Variants in IRAK2 observed in about 807,000 individuals in gnomAD.
IRAK2 encodes interleukin 1 receptor associated kinase 2.
IRAK2 carries 57 observed loss-of-function variants against 72.0 expected under a neutral mutation model. The ratio of observed to expected loss-of-function variants is 0.79; its 90% CI spans 0.64 to 0.99. IRAK2 has a LOEUF of 0.99. Ranked by LOEUF, IRAK2 falls within the 50% of genes least tolerant of loss-of-function variation. The probability of loss-of-function intolerance (pLI) is 0.00; values close to 1 mark genes in which losing one functional copy is unlikely to be tolerated. For synonymous variants in IRAK2, 293 were observed against 312.7 expected (o/e 0.94, Z 0.67); for missense variants, 790 against 794.4 (o/e 0.99, Z 0.07).
At chr3:10,240,147 C>CAAAA (rs34730585) in intron 12 of IRAK2, among the ~76,000 whole-genome samples, 1 of 132,720 alleles carries the variant, frequency 7.5e-6, no homozygotes, top group African/African-American at 2.9e-5. Context: ...GACTCCGTCT[C>CAAAA]AAAAAAAAAA....
intron 2 of IRAK2, among the ~76,000 whole-genome samples, chr3:10,185,558 C>CAAAAA (rs770606601): frequency 5.7e-5 from 4 of 70,086 alleles, no homozygotes; most frequent in African/African-American, 1.9e-4. Context: ...AACTCCGTCT[C>CAAAAA]AAAAAAAAAA....
chr3:10,238,925 G>T lies in IRAK2; in HGVS notation c.1651G>T (p.Ala551Ser). 4 of 1,614,074 alleles carry T rather than the reference G, an allele frequency of 2.5e-6. No individual in the cohort carries two copies. Among genetic ancestry groups the T allele is most frequent in the Non-Finnish European group, 3.4e-6 (4 of 1,179,996 alleles). Reference protein sequence around the residue: ...SSMSVAPWAGAATPLLPTENG... With the variant: ...SSMSVAPWAGSATPLLPTENG... ...CATGAGTGTGGCACCCTGGGCAGGG[G>T]CTGCCACCCCACTTCTCCCCACAGA... Residue 551 changes from alanine (A) to serine (S), a missense_variant, in exon 12 of 13, where the codon GCT becomes TCT. Transcript: ENST00000256458.
At chr3:10,209,956 G>A (rs966743112) in intron 4 of IRAK2, among the ~76,000 whole-genome samples, 1 of 152,158 alleles carries the variant, frequency 6.6e-6, no homozygotes, top group Non-Finnish European at 1.5e-5. Context: ...GTCTCGCTCT[G>A]CCACCCAGGC....
At chr3:10,199,884 CT>C (rs145377518) in intron 2 of IRAK2, among the ~76,000 whole-genome samples, 1,363 of 124,092 alleles carry the variant, frequency 0.011, 7 homozygotes, top group African/African-American at 0.022. Context: ...AGCCACTGCT[CT>C]TTTTTTTTTT....
At chr3:10,221,902 G>T (rs1028304353) in intron 8 of IRAK2, among the ~76,000 whole-genome samples, 1 of 151,892 alleles carries the variant, frequency 6.6e-6, no homozygotes, top group Non-Finnish European at 1.5e-5. Flanking sequence ...GCTCCTGGGG[G>T]TTAGATGACT....
intron 3 of IRAK2, among the ~76,000 whole-genome samples, chr3:10,204,109 C>A (rs1337070444): frequency 3.3e-5 from 5 of 152,246 alleles, no homozygotes; most frequent in African/African-American, 1.2e-4. Flanking sequence ...CATAGTTTCA[C>A]CAGCCTTGGT....
rs780730043 is a variant in IRAK2 at position 10,219,687 on chromosome 3, C to T, written c.911C>T (p.Ser304Leu). The part of the protein sequence containing the change: ...LQDRLQGQGG[S>L]DPLPWPQRVS... ...TGCTTTTCTTTCTCTTAGGGTGGCTCGGACCCCCTCCCCTGGCCCCAGCGT... is the reference window on the plus strand; with the variant it reads ...TGCTTTTCTTTCTCTTAGGGTGGCTTGGACCCCCTCCCCTGGCCCCAGCGT... The change falls in exon 8 of 13, where the codon TCG becomes TTG. Residue 304 changes from serine to leucine, a missense_variant. Ser to Leu is a moderately radical substitution (Grantham distance 145). Coordinates refer to ENST00000256458, the MANE Select transcript of IRAK2 (RefSeq NM_001570.4). The T allele has an allele frequency of 3.3e-5, 53 of 1,612,858 alleles. No homozygotes were observed. The East Asian group carries it at 8.0e-4, about 24-fold the overall frequency.
At chr3:10,216,108 G>A (rs1327867269) in intron 6 of IRAK2, among the ~76,000 whole-genome samples, 1 of 152,216 alleles carries the variant, frequency 6.6e-6, no homozygotes, top group Non-Finnish European at 1.5e-5. Context: ...CTGAATCAGA[G>A]CCTGACCCAA....
At chr3:10,214,378 A>G (rs1354679523) in intron 6 of IRAK2, among the ~76,000 whole-genome samples, 1 of 144,918 alleles carries the variant, frequency 6.9e-6, no homozygotes, top group African/African-American at 2.6e-5. Flanking sequence ...GTGTGCGCCC[A>G]GCTCATTTTT....
At chr3:10,175,675 G>C (rs1233107867) in intron 1 of IRAK2, among the ~76,000 whole-genome samples, 1 of 151,956 alleles carries the variant, frequency 6.6e-6, no homozygotes, top group Non-Finnish European at 1.5e-5. Context: ...GCATCACAAG[G>C]TCAGGAGATT....
At chr3:10,210,068 T>C (rs1316721315) in intron 4 of IRAK2, among the ~76,000 whole-genome samples, 1 of 151,978 alleles carries the variant, frequency 6.6e-6, no homozygotes, top group Non-Finnish European at 1.5e-5. Flanking sequence ...TACAGGTGCA[T>C]GTCACCATGC....
chr3:10,198,618 A>G (rs1460269300), intron 2 of IRAK2, among the ~76,000 whole-genome samples: 1 of 152,262 alleles, frequency 6.6e-6, no homozygotes, highest in Non-Finnish European at 1.5e-5. Flanking sequence ...TGTTGTGAAA[A>G]TTAAATAAAT....
intron 2 of IRAK2, among the ~76,000 whole-genome samples, chr3:10,184,301 G>A (rs189129215): frequency 6.2e-4 from 95 of 152,296 alleles, no homozygotes; most frequent in African/African-American, 2.1e-3. Context: ...TAGTACTCTA[G>A]AAAAGGAGGC....
At chr3:10,231,091 G>A (rs4684672) in intron 10 of IRAK2, among the ~76,000 whole-genome samples, 55,130 of 152,024 alleles carry the variant, frequency 0.36, 10,814 homozygotes, top group Admixed American at 0.45. Flanking sequence ...ATGGGGTCTT[G>A]TTACGTTGCC....
intron 3 of IRAK2, among the ~76,000 whole-genome samples, chr3:10,204,534 A>T (rs146470248): frequency 1.3e-5 from 2 of 152,272 alleles, no homozygotes; most frequent in Admixed American, 6.5e-5. Flanking sequence ...GGATCACCTC[A>T]GGTCAGGAGT....
At chr3:10,234,722 G>A (rs1697924745) in intron 11 of IRAK2, 63 bp downstream of exon 11, 4 of 1,447,254 alleles carry the variant, frequency 2.8e-6, no homozygotes, top group African/African-American at 2.8e-5. Context: ...CATCGGGGAC[G>A]GCCCCTTCGC....
At chr3:10,205,580 A>G (rs1274148382) in intron 3 of IRAK2, among the ~76,000 whole-genome samples, 1 of 152,232 alleles carries the variant, frequency 6.6e-6, no homozygotes, top group African/African-American at 2.4e-5. Context: ...CCCTGTGTGC[A>G]GAGACAGCCC....
intron 9 of IRAK2, among the ~76,000 whole-genome samples, chr3:10,223,785 G>A (rs1334759864): frequency 6.6e-6 from 1 of 152,242 alleles, no homozygotes; most frequent in East Asian, 1.9e-4. Context: ...CTTCAGCCAA[G>A]TGCATACAGC....
intron 9 of IRAK2, among the ~76,000 whole-genome samples, chr3:10,225,982 A>G (rs1697769736): frequency 6.6e-6 from 1 of 152,124 alleles, no homozygotes; most frequent in African/African-American, 2.4e-5. Flanking sequence ...TACAGGCATG[A>G]TCCACCGTGC....
Sources: gnomAD v4.1 joint callset for allele counts (sites outside exome capture counted in the v4.1 genomes callset) on GRCh38, gnomAD v4.1.1 for gene constraint, MANE v1.5 for transcripts, NCBI Gene and HGNC (gene_info 2026-07-23, HGNC 2026-07-21) for gene names.